The following AMPD3 variants were observed in gnomAD, a reference collection of about 807,000 sequenced individuals.
AMPD3 encodes the protein AMP deaminase 3.
In AMPD3, 57 loss-of-function variants were observed where a neutral mutation model predicts 82.3. The ratio of observed to expected loss-of-function variants is 0.69; its 90% CI spans 0.56 to 0.86. The LOEUF is 0.86. AMPD3 is among the 40% of genes least tolerant of loss of function. The probability of loss-of-function intolerance (pLI) is 0.00; values close to 1 mark genes in which losing one functional copy is unlikely to be tolerated. For missense variants in AMPD3, 870 were observed against 1,003.8 expected (o/e 0.87, Z 1.80); for synonymous variants, 381 against 394.7 (o/e 0.97, Z 0.41).
In AMPD3 at chr11:10,485,108, G is replaced by T. The variant is rs1849029189; in HGVS notation, c.809+69G>T. On this transcript the variant is annotated intron_variant, in intron 5 of 14. Coordinates refer to ENST00000396553, the MANE Select transcript of AMPD3 (RefSeq NM_001025389.2). ...GTTCTGTAGGAAGGAGATGAGAAAG[G>T]CCTCACCCCTCTGCCCTGGGGTCCC... The T allele has an allele frequency of 4.1e-6, 6 of 1,460,204 alleles. No homozygotes were observed. In the South Asian group the frequency reaches 7.2e-5, roughly 17 times the overall value. The allele number at this position is 1,460,204 out of a possible 1,614,324, so 90.5% of individuals were successfully genotyped here. A position where few individuals can be genotyped will look rare whatever the true frequency, so the allele number is the denominator to read the frequency against.
Position 10,487,725 on chromosome 11 carries a change from A to G in AMPD3, c.939+361A>G, listed in dbSNP as rs1849116312. On this transcript the variant is annotated intron_variant, in intron 6 of 14. Coordinates refer to ENST00000396553, the MANE Select transcript of AMPD3 (RefSeq NM_001025389.2). The stretch of plus-strand genomic sequence containing the variant: ...GGGATGTATTAGAGTCATCAAAGAA[A>G]GACACAGCTGTTAAGATCTCTTTGG... 2.6e-5 allele frequency among the ~76,000 whole-genome samples: 4 copies of G among 152,330 alleles called. 1 individual carries two copies. In the South Asian group the frequency reaches 8.3e-4, roughly 32 times the overall value.
At chr11:10,497,840 C>T (rs1293091611) in intron 10 of AMPD3, 14 of 985,160 alleles carry the variant, frequency 1.4e-5, no homozygotes, top group African/African-American at 1.0e-4. Context: ...GACGCCACAA[C>T]GTGATCTCAC....
At position 10,482,138 on chromosome 11, in the gene AMPD3, C is replaced by T; in HGVS notation, c.502C>T (p.Leu168Phe). Residue 168 changes from leucine (L) to phenylalanine (F), a missense_variant, in exon 4 of 15, where the codon CTC becomes TTC. Transcript: ENST00000396553. ...AATGATCCGGGAGAAGTATGCGCGG[C>T]TCGCCTACCACCGCTTCCCGCGGAT... ...ALMIREKYAR[L>F]AYHRFPRITS... The T allele has an allele frequency of 1.2e-6, 2 of 1,614,148 alleles. No individual in the cohort carries two copies. Among genetic ancestry groups the T allele is most frequent in the Non-Finnish European group, 1.7e-6 (2 of 1,180,038 alleles).
chr11:10,450,938 C>A (rs1847944473), upstream of AMPD3: 1 of 1,331,190 alleles, frequency 7.5e-7, no homozygotes, highest in South Asian at 1.6e-5. Context: ...CCCCGGCTGG[C>A]CTCAGTGCCC....
chr11:10,488,141 C>T, intron 6 of AMPD3: 1 of 916,602 alleles, frequency 1.1e-6, no homozygotes, highest in Non-Finnish European at 1.3e-6. Context: ...GGATGGCAGC[C>T]TTGTCCGGGG....
chr11:10,453,209 C>T (rs1373002663), upstream of AMPD3, among the ~76,000 whole-genome samples: 1 of 152,226 alleles, frequency 6.6e-6, no homozygotes, highest in Admixed American at 6.5e-5. Flanking sequence ...CCTCGGCCTC[C>T]CAAAGCGCTG....
At chr11:10,479,257 A>G (rs560344370) in intron 3 of AMPD3, among the ~76,000 whole-genome samples, 2 of 152,336 alleles carry the variant, frequency 1.3e-5, no homozygotes, top group East Asian at 3.9e-4. Flanking sequence ...TAACGCAGTC[A>G]CTGAAAATGT....
At chr11:10,479,943 G>A in intron 3 of AMPD3, 1 of 985,458 alleles carries the variant, frequency 1.0e-6, no homozygotes, top group Non-Finnish European at 1.2e-6. Flanking sequence ...TCCTGACCAT[G>A]AGTCTTTGGT....
chr11:10,503,815 A>T (rs1849641823), intron 13 of AMPD3: 1 of 254,868 alleles, frequency 3.9e-6, no homozygotes, highest in Non-Finnish European at 6.2e-6. Context: ...AATATGTAAA[A>T]ATAGAAATCT....
chr11:10,473,530 G>C, intron 2 of AMPD3: 1 of 985,288 alleles, frequency 1.0e-6, no homozygotes, highest in Non-Finnish European at 1.2e-6. Flanking sequence ...CAGAGGGTGG[G>C]GCTGTGAGTT....
At chr11:10,499,171 C>G (rs932077630) in intron 10 of AMPD3, 2 of 152,468 alleles carry the variant, frequency 1.3e-5, no homozygotes, top group African/African-American at 4.8e-5. Flanking sequence ...TATTCTCTAC[C>G]TACCGCCCCA....
chr11:10,503,981 C>T (rs1324985912), intron 13 of AMPD3: 1 of 985,298 alleles, frequency 1.0e-6, no homozygotes, highest in Non-Finnish European at 1.2e-6. Flanking sequence ...TGAATAGACA[C>T]TTCACATCCC....
At chr11:10,468,647 T>G (rs1013102262) in intron 2 of AMPD3, among the ~76,000 whole-genome samples, 1 of 151,878 alleles carries the variant, frequency 6.6e-6, no homozygotes, top group African/African-American at 2.4e-5. Flanking sequence ...GGACTTGAAC[T>G]CAGCTCTGGA....
At chr11:10,467,303 C>T (rs1485359796) in intron 2 of AMPD3, among the ~76,000 whole-genome samples, 2 of 152,004 alleles carry the variant, frequency 1.3e-5, no homozygotes, top group African/African-American at 2.4e-5. Flanking sequence ...CTAGAAAAAC[C>T]AGTTTAGAGA....
chr11:10,450,660 C>T (rs563278746), upstream of AMPD3: 518 of 1,018,452 alleles, frequency 5.1e-4, no homozygotes, highest in African/African-American at 8.4e-3. Context: ...CGGCCAAGGG[C>T]CCTGGCGGCC....
chr11:10,456,219 T>G lies in AMPD3; in HGVS notation c.-6+771T>G. 1 of 1,462,196 alleles carries G rather than the reference T, an allele frequency of 6.8e-7. No homozygotes were observed. Among genetic ancestry groups the G allele is most frequent in the Non-Finnish European group, 9.0e-7 (1 of 1,108,452 alleles). 90.6% of individuals were successfully genotyped at this position (1,462,196 alleles called of 1,614,324 possible). ...GAGAATTTCCAGCCCAGGCTTTTCCTGCTCTGGCTCACTGCTGCTCACAGA... is the reference window on the plus strand; with the variant it reads ...GAGAATTTCCAGCCCAGGCTTTTCCGGCTCTGGCTCACTGCTGCTCACAGA... On this transcript the variant is annotated intron_variant, in intron 1 of 14. Transcript: ENST00000396553. This position sits in a 1 kb window ranked among gnomAD's most constrained non-coding sequence, Gnocchi z 4.3.
intron 2 of AMPD3, among the ~76,000 whole-genome samples, chr11:10,465,819 GTT>G (rs61540424): frequency 6.1e-5 from 8 of 132,116 alleles, no homozygotes; most frequent in East Asian, 4.3e-4. Flanking sequence ...AGCTGCAGGA[GTT>G]TTTTTTTTTT....
intron 3 of AMPD3, chr11:10,480,022 T>C (rs576456981): frequency 2.2e-6 from 2 of 930,174 alleles, no homozygotes; most frequent in Non-Finnish European, 2.6e-6. Context: ...GGCCACCAGC[T>C]GAATGGGAGG....
At position 10,502,743 on chromosome 11, in the gene AMPD3, A is replaced by C. The variant is rs1443963462; in HGVS notation, c.1865A>C (p.Tyr622Ser). Residue 622 changes from tyrosine to serine, a missense_variant, in exon 13 of 15, where the codon TAC (tyrosine) becomes TCC (serine). By Grantham distance (144) the Tyr-to-Ser change is moderately radical (BLOSUM62 -2). Transcript: ENST00000396553. The part of the protein sequence containing the change: ...LKKSPVLQYL[Y>S]YLAQIPIAMS... ...CAGAGTCCGGTATTGCAGTATCTCT[A>C]CTACCTTGCTCAGATCCCCATTGCC... 1 of 1,613,998 alleles carries C rather than the reference A, an allele frequency of 6.2e-7. No homozygotes were observed. The highest frequency in any genetic ancestry group is 1.7e-5 in the Admixed American group (1 of 60,008).
Sources: allele counts gnomAD v4.1 joint callset (sites outside exome capture counted in the v4.1 genomes callset), GRCh38; gene constraint gnomAD v4.1.1; non-coding constraint Gnocchi (gnomAD v3.1); transcripts MANE v1.5; gene names NCBI Gene and HGNC (gene_info 2026-07-23, HGNC 2026-07-21).